ZNF599: variants seen among roughly 807,000 people sequenced by gnomAD.
ZNF599 encodes zinc finger protein 599.
In ZNF599, 10 loss-of-function variants were observed where a neutral mutation model predicts 11.7. The observed-to-expected ratio is 0.86, with a 90% CI of 0.53 to 1.45. ZNF599 has a LOEUF of 1.45. Among genes scored for constraint, ZNF599 ranks in the 40% most tolerant of loss-of-function variants. The probability of loss-of-function intolerance (pLI) is 0.00; values close to 1 mark genes in which losing one functional copy is unlikely to be tolerated. For synonymous variants in ZNF599, 232 were observed against 253.2 expected (o/e 0.92, Z 0.79); for missense variants, 688 against 713.6 (o/e 0.96, Z 0.41).
At chr19:34,769,918 C>T (rs1386102706) in intron 1 of ZNF599, among the ~76,000 whole-genome samples, 1 of 152,216 alleles carries the variant, frequency 6.6e-6, no homozygotes, top group Admixed American at 6.5e-5. Context: ...CACCTGAGGG[C>T]TTCACATGCT....
rs776713247 is a variant in ZNF599, at chr19:34,759,326, G to T, written c.1475C>A (p.Ser492Tyr). Reference protein sequence around the residue: ...KECAKAFYYSSSFTRHMRIHT... With the variant: ...KECAKAFYYSYSFTRHMRIHT... ...AATCCTCATGTGTCGAGTGAAGGAA[G>T]AGCTATAGTAAAAGGCTTTTGCACA... Residue 492 changes from serine to tyrosine, a missense_variant, in exon 4 of 4, where the codon TCT (serine) becomes TAT (tyrosine). Coordinates refer to ENST00000329285, the MANE Select transcript of ZNF599 (RefSeq NM_001007248.3). The T allele has an allele frequency of 3.1e-6, 5 of 1,614,194 alleles. No individual in the cohort carries two copies. The highest frequency in any genetic ancestry group is 4.2e-6 in the Non-Finnish European group (5 of 1,180,044).
rs200075847 is a variant in ZNF599, at chr19:34,759,546, C to T, written c.1255G>A (p.Gly419Arg). Residue 419 changes from glycine (G) to arginine (R), a missense_variant, in exon 4 of 4, where the codon GGA becomes AGA. Physicochemically the swap from Gly to Arg is moderately radical, Grantham distance 125. Coordinates refer to ENST00000329285, the MANE Select transcript of ZNF599 (RefSeq NM_001007248.3). ...TCTTTGCACTCAAAGGGCTTCTCTCCGGTATGGGTCCTCTTATGTCGGATG... is the reference window on the plus strand; with the variant it reads ...TCTTTGCACTCAAAGGGCTTCTCTCTGGTATGGGTCCTCTTATGTCGGATG... The part of the protein sequence containing the change: ...TFIRHKRTHT[G>R]EKPFECKECG... 1.3e-4 allele frequency: 205 copies of T among 1,613,598 alleles called. No homozygotes were observed. Among genetic ancestry groups the T allele is most frequent in the Middle Eastern group, 1.6e-4 (1 of 6,078 alleles).
At chr19:34,799,776 G>A in the ZNF599 span, among the ~76,000 whole-genome samples, 1 of 152,198 alleles carries the variant, frequency 6.6e-6, no homozygotes, top group Admixed American at 6.5e-5. Context: ...ACGGCAAGAA[G>A]GCAACTATAT....
chr19:34,778,058 G>A (rs1368188983), upstream of ZNF599, among the ~76,000 whole-genome samples: 1 of 151,980 alleles, frequency 6.6e-6, no homozygotes, highest in Non-Finnish European at 1.5e-5. Context: ...TATAGTGATG[G>A]TTTCACAGGT....
At chr19:34,761,202 A>G (rs1046733552) in intron 3 of ZNF599, among the ~76,000 whole-genome samples, 2 of 152,224 alleles carry the variant, frequency 1.3e-5, no homozygotes, top group African/African-American at 4.8e-5. Context: ...CCTGTGTAAA[A>G]GTGAGAAGGG....
At chr19:34,769,237 A>G (rs561366123) in intron 2 of ZNF599, among the ~76,000 whole-genome samples, 192 bp downstream of exon 2, 1 of 152,302 alleles carries the variant, frequency 6.6e-6, no homozygotes, top group East Asian at 1.9e-4. Context: ...GTTGAGGAGG[A>G]CTGTGTTTCT....
At chr19:34,763,099 G>A (rs2069121954) in intron 3 of ZNF599, 1 of 152,148 alleles carries the variant, frequency 6.6e-6, no homozygotes, top group African/African-American at 2.4e-5. Context: ...TCTTAAAGTG[G>A]CCATGTATGC....
the ZNF599 span, chr19:34,779,593 A>G: frequency 2.5e-6 from 1 of 407,824 alleles, no homozygotes; most frequent in Non-Finnish European, 4.9e-6. Flanking sequence ...CTCCAGATGG[A>G]AAGGCAGGGT....
At chr19:34,777,318 CTATAT>C (rs1234776433), upstream of ZNF599, among the ~76,000 whole-genome samples, 30 of 80,862 alleles carry the variant, frequency 3.7e-4, no homozygotes, top group Admixed American at 1.1e-3. Flanking sequence ...GTATATTTAT[CTATAT>C]TATATATTAT....
chr19:34,779,669 T>C, the ZNF599 span: 2 of 316,874 alleles, frequency 6.3e-6, no homozygotes, highest in African/African-American at 2.2e-5. Context: ...TTGCTGATGC[T>C]GAGTAAATCT....
the ZNF599 span, among the ~76,000 whole-genome samples, chr19:34,787,372 A>C: frequency 6.6e-6 from 1 of 152,176 alleles, no homozygotes; most frequent in African/African-American, 2.4e-5. Context: ...CAAATGCATC[A>C]AGCAGCCTCA....
the ZNF599 span, among the ~76,000 whole-genome samples, chr19:34,790,671 C>T: frequency 6.6e-6 from 1 of 152,092 alleles, no homozygotes; most frequent in Non-Finnish European, 1.5e-5. Context: ...AGGAGGAATA[C>T]ATTTTAGTAA....
chr19:34,766,167 A>G (rs115550372), intron 3 of ZNF599, among the ~76,000 whole-genome samples: 1,587 of 152,284 alleles, frequency 0.01, 28 homozygotes, highest in African/African-American at 0.036. Context: ...GTGAAGGCTG[A>G]CTGAGCAGGC....
At chr19:34,790,077 A>G in the ZNF599 span, among the ~76,000 whole-genome samples, 2 of 152,200 alleles carry the variant, frequency 1.3e-5, no homozygotes, top group South Asian at 4.1e-4. Context: ...GTGAATAGCC[A>G]TGTTTTCCAA....
chr19:34,781,725 G>A, the ZNF599 span, among the ~76,000 whole-genome samples: 8 of 152,334 alleles, frequency 5.3e-5, no homozygotes, highest in East Asian at 1.5e-3. Context: ...CTCCAGCAGG[G>A]CTTTGGCTGC....
At chr19:34,785,322 T>A in the ZNF599 span, among the ~76,000 whole-genome samples, 2 of 152,224 alleles carry the variant, frequency 1.3e-5, no homozygotes, top group African/African-American at 2.4e-5. Flanking sequence ...CCTGGACTAT[T>A]GCAGTAGCCT....
chr19:34,765,877 A>G (rs1305090683), intron 3 of ZNF599, among the ~76,000 whole-genome samples: 3 of 152,170 alleles, frequency 2.0e-5, no homozygotes, highest in African/African-American at 7.2e-5. Flanking sequence ...AGAGATGATC[A>G]CTTGGCCTAG....
In ZNF599 at chr19:34,772,809, G is replaced by A. The variant is rs1425855604; in HGVS notation, c.18+15C>T. ...GTGACCCGAGCTCGCGCGGGCTGCGGAACCCTCCACTCACCAACGCCGGCG... is the reference window on the plus strand; with the variant it reads ...GTGACCCGAGCTCGCGCGGGCTGCGAAACCCTCCACTCACCAACGCCGGCG... On this transcript the variant is annotated intron_variant, in intron 1 of 3. Transcript: ENST00000329285. 3 of 1,533,018 alleles carry A rather than the reference G, an allele frequency of 2.0e-6. No homozygotes were observed. The highest frequency in any genetic ancestry group is 8.7e-7 in the Non-Finnish European group (1 of 1,143,332). 95.0% of individuals were successfully genotyped at this position (1,533,018 alleles called of 1,614,324 possible).
At chr19:34,776,082 T>G (rs1355710830), upstream of ZNF599, among the ~76,000 whole-genome samples, 2 of 152,230 alleles carry the variant, frequency 1.3e-5, no homozygotes, top group Non-Finnish European at 2.9e-5. Flanking sequence ...AAATTTATCA[T>G]TTTGTATCCT....
Sources: gnomAD v4.1 joint callset for allele counts (sites outside exome capture counted in the v4.1 genomes callset) on GRCh38, gnomAD v4.1.1 for gene constraint, MANE v1.5 for transcripts, NCBI Gene and HGNC (gene_info 2026-07-23, HGNC 2026-07-21) for gene names.